NAA16: variants seen among roughly 807,000 people sequenced by gnomAD.
NAA16 encodes N-alpha-acetyltransferase 16, NatA auxiliary subunit, also known as NARG1-like protein.
NAA16 carries 97 observed loss-of-function variants against 110.3 expected under a neutral mutation model. That is an observed-to-expected ratio of 0.88 (90% CI 0.75 to 1.04). The LOEUF is 1.04. Ranked by LOEUF, NAA16 falls within the 50% of genes least tolerant of loss-of-function variation. The probability of loss-of-function intolerance (pLI) is 0.00; values close to 1 mark genes in which losing one functional copy is unlikely to be tolerated. For synonymous variants in NAA16, 372 were observed against 330.6 expected, an observed-to-expected ratio of 1.13 and a Z score of -1.36; for missense variants, 1,017 against 1,005.1, an observed-to-expected ratio of 1.01 and a Z score of -0.16.
At chr13:41,374,181 G>A (rs1022875635) in intron 18 of NAA16, among the ~76,000 whole-genome samples, 6 of 148,644 alleles carry the variant, frequency 4.0e-5, no homozygotes, top group East Asian at 2.0e-4. Flanking sequence ...TCACTCTGTC[G>A]CCCAGGCTGG....
chr13:41,316,929 A>G lies in NAA16; in HGVS notation c.138A>G (p.Gly46=). 1 of 1,606,620 alleles carries G rather than the reference A, an allele frequency of 6.2e-7. No homozygotes were observed. The highest frequency in any genetic ancestry group is 1.1e-5 in the South Asian group (1 of 90,904). The part of the protein sequence containing the change: ...ILSNPKFAEH[G]ETLAMKGLTL... ...CGAACCCAAAATTTGCTGAACATGG[A>G]GGTATTGTCTCATGTGAGAGATTGC... The change falls in exon 2 of 20, where the codon GGA becomes GGG. Residue 46 remains glycine, a splice_region_variant and synonymous_variant. Transcript: ENST00000379406.
At chr13:41,313,098 C>G (rs2041687183) in intron 1 of NAA16, among the ~76,000 whole-genome samples, 1 of 151,856 alleles carries the variant, frequency 6.6e-6, no homozygotes, top group Non-Finnish European at 1.5e-5. Flanking sequence ...CTTCTTTTCT[C>G]TTTATACGAG....
At chr13:41,357,934 A>G (rs969025080) in intron 10 of NAA16, among the ~76,000 whole-genome samples, 1 of 152,204 alleles carries the variant, frequency 6.6e-6, no homozygotes, top group Admixed American at 6.5e-5. Flanking sequence ...CTCTGCTGAA[A>G]TCTTGCAGTG....
At chr13:41,374,480 C>T in intron 18 of NAA16, 1 of 257,316 alleles carries the variant, frequency 3.9e-6, no homozygotes, top group Non-Finnish European at 7.4e-6. Flanking sequence ...GTTTAATAAC[C>T]ATCATTTTGT....
chr13:41,337,238 T>G (rs965979359), intron 9 of NAA16, among the ~76,000 whole-genome samples: 4 of 152,140 alleles, frequency 2.6e-5, no homozygotes, highest in Non-Finnish European at 5.9e-5. Flanking sequence ...GAATTGTCTT[T>G]CTGCTTTTTA....
chr13:41,340,556 A>G (rs541830440), intron 9 of NAA16, among the ~76,000 whole-genome samples: 12 of 150,630 alleles, frequency 8.0e-5, no homozygotes, highest in Non-Finnish European at 1.8e-4. Context: ...TTCAAAGAAC[A>G]TCTTTATTTC....
In NAA16 at chr13:41,359,006, C is replaced by T. The variant is rs746213102; in HGVS notation, c.1410+44C>T. 3 of 1,497,010 alleles carry T rather than the reference C, an allele frequency of 2.0e-6. No individual in the cohort carries two copies. The Admixed American group carries it at 5.8e-5, about 29-fold the overall frequency. 92.7% of individuals were successfully genotyped at this position (1,497,010 alleles called of 1,614,324 possible). ...GAGCATGTAATTGTCTAAATTAAGA[C>T]AGTTTGTGAAGTTTGTCTAAATTAA... is the stretch of plus-strand genomic sequence containing the variant. On this transcript the variant is annotated intron_variant, in intron 12 of 19. Coordinates refer to ENST00000379406, the MANE Select transcript of NAA16 (RefSeq NM_024561.5).
At chr13:41,314,859 T>C (rs1254783049) in intron 1 of NAA16, among the ~76,000 whole-genome samples, 1 of 152,078 alleles carries the variant, frequency 6.6e-6, no homozygotes, top group Non-Finnish European at 1.5e-5. Context: ...TAGCCAGGCA[T>C]GATGGCACAC....
chr13:41,369,882 G>A (rs75576570), intron 15 of NAA16, among the ~76,000 whole-genome samples: 63 of 152,298 alleles, frequency 4.1e-4, no homozygotes, highest in African/African-American at 1.5e-3. Flanking sequence ...GTGAGACTGT[G>A]TTGGGCTTTT....
intron 12 of NAA16, 99 bp downstream of exon 12, chr13:41,359,061 T>G: frequency 9.9e-7 from 1 of 1,006,906 alleles, no homozygotes; most frequent in Non-Finnish European, 1.4e-6. Flanking sequence ...CAGTGGAAGT[T>G]CATAAAAATT....
intron 9 of NAA16, among the ~76,000 whole-genome samples, chr13:41,345,349 CTTG>C (rs1355487656): frequency 6.6e-6 from 1 of 152,168 alleles, no homozygotes; most frequent in African/African-American, 2.4e-5. Flanking sequence ...CTCATTAACA[CTTG>C]TTATTATTGA....
chr13:41,352,307 A>G (rs549276415), intron 9 of NAA16, among the ~76,000 whole-genome samples: 4 of 151,802 alleles, frequency 2.6e-5, no homozygotes, highest in African/African-American at 9.7e-5. Context: ...ACACCACTGC[A>G]CTCCAGCTTG....
chr13:41,314,995 AAAAT>A (rs1313399517), intron 1 of NAA16, among the ~76,000 whole-genome samples: 1 of 152,196 alleles, frequency 6.6e-6, no homozygotes, highest in Non-Finnish European at 1.5e-5. Context: ...CTGTCTCTAA[AAAAT>A]AAATAAGAAA....
At chr13:41,311,626 C>T (rs2041568966) in intron 1 of NAA16, 44 bp downstream of exon 1, 1 of 1,572,058 alleles carries the variant, frequency 6.4e-7, no homozygotes, top group African/African-American at 1.4e-5. Flanking sequence ...GTCCCCGGGT[C>T]CTCGGGCCTT....
At chr13:41,371,019 A>C (rs2043305698) in intron 15 of NAA16, among the ~76,000 whole-genome samples, 1 of 152,080 alleles carries the variant, frequency 6.6e-6, no homozygotes, top group Non-Finnish European at 1.5e-5. Context: ...TGACAGAGCC[A>C]ATCAAGGAAA....
chr13:41,349,354 T>C (rs2042767229), intron 9 of NAA16, among the ~76,000 whole-genome samples: 1 of 151,658 alleles, frequency 6.6e-6, no homozygotes, highest in Non-Finnish European at 1.5e-5. Context: ...CCTGGCTAAG[T>C]TGTTTATTTT....
At position 41,373,319 on chromosome 13, in the gene NAA16, A is replaced by G. The variant is rs146289761; in HGVS notation, c.2156-318A>G. 2,465 of 509,064 alleles carry G rather than the reference A, an allele frequency of 4.8e-3. 15 individuals carry two copies. The highest frequency in any genetic ancestry group is 5.6e-3 in the Non-Finnish European group (2,218 of 395,756). The allele number at this position is 509,064 out of a possible 1,614,324, so 31.5% of individuals were successfully genotyped here. A position where few individuals can be genotyped will look rare whatever the true frequency, so the allele number is the denominator to read the frequency against. On this transcript the variant is annotated intron_variant, in intron 17 of 19. Transcript: ENST00000379406. ...GTTGTCTAGGCTGGAGTGCAGTAGC[A>G]CGATCTTGGCTCACTGCAACCTCCA...
At chr13:41,364,471 C>T (rs1304115869) in intron 13 of NAA16, among the ~76,000 whole-genome samples, 1 of 151,984 alleles carries the variant, frequency 6.6e-6, no homozygotes, top group African/African-American at 2.4e-5. Context: ...TGAAACTTGA[C>T]TTTTATTAAA....
At chr13:41,314,679 T>G (rs1453109163) in intron 1 of NAA16, among the ~76,000 whole-genome samples, 1 of 152,208 alleles carries the variant, frequency 6.6e-6, no homozygotes, top group South Asian at 2.1e-4. Flanking sequence ...TGTTTAGCCA[T>G]GGCAATGCAG....
Sources: gnomAD v4.1 joint callset for allele counts (sites outside exome capture counted in the v4.1 genomes callset) on GRCh38, gnomAD v4.1.1 for gene constraint, MANE v1.5 for transcripts, NCBI Gene and HGNC (gene_info 2026-07-23, HGNC 2026-07-21) for gene names.